Variants in ZNF618 observed in about 807,000 individuals in gnomAD.
The protein encoded by ZNF618 is neural precursor cell expressed, developmentally down-regulated 10.
Under a neutral mutation model 103.0 loss-of-function variants are expected in ZNF618, and 34 were observed. The observed-to-expected ratio is 0.33, with a 90% confidence interval of 0.25 to 0.44. The LOEUF (loss-of-function observed/expected upper bound fraction) is 0.44. Ranked by LOEUF, ZNF618 falls within the 20% of genes least tolerant of loss-of-function variation. The probability of loss-of-function intolerance (pLI) is 1.00; values close to 1 mark genes in which losing one functional copy is unlikely to be tolerated. For missense variants in ZNF618, 1,059 were observed against 1,295.4 expected (o/e 0.82, Z 2.80); for synonymous variants, 551 against 542.2 (o/e 1.02, Z -0.23).
At chr9:113,921,390 G>A (rs1009883792) in intron 1 of ZNF618, among the ~76,000 whole-genome samples, 1 of 152,248 alleles carries the variant, frequency 6.6e-6, no homozygotes, top group Non-Finnish European at 1.5e-5. Context: ...TCACTGAGTG[G>A]AAGGGTTTTC....
chr9:113,886,971 C>CT (rs57000343), intron 1 of ZNF618, among the ~76,000 whole-genome samples: 6,262 of 109,016 alleles, frequency 0.057, 431 homozygotes, highest in Non-Finnish European at 0.071. Flanking sequence ...TTACTTTCTA[C>CT]TTTTTTTTTT....
At chr9:113,943,309 G>T (rs1016814501) in intron 1 of ZNF618, among the ~76,000 whole-genome samples, 5 of 152,200 alleles carry the variant, frequency 3.3e-5, no homozygotes, top group Admixed American at 6.5e-5. Context: ...GCTTGCGGCT[G>T]GGAGAAGATT....
chr9:113,948,774 G>A (rs538814888), intron 1 of ZNF618, among the ~76,000 whole-genome samples: 13 of 152,210 alleles, frequency 8.5e-5, no homozygotes, highest in Non-Finnish European at 1.5e-4. Flanking sequence ...TGTTGTGGTG[G>A]TGGCTACAGA....
At chr9:113,987,096 C>G (rs1307180986) in intron 2 of ZNF618, among the ~76,000 whole-genome samples, 2 of 152,146 alleles carry the variant, frequency 1.3e-5, no homozygotes, top group Non-Finnish European at 2.9e-5. Flanking sequence ...AGTGGAGAGG[C>G]TAGCATGGCC....
chr9:114,008,976 G>A (rs1177021619), intron 9 of ZNF618, among the ~76,000 whole-genome samples: 4 of 152,168 alleles, frequency 2.6e-5, no homozygotes, highest in South Asian at 2.1e-4. Flanking sequence ...ATAACACGTC[G>A]TAGTCACCTG....
At chr9:113,898,036 A>G (rs1587970796) in intron 1 of ZNF618, among the ~76,000 whole-genome samples, 1 of 151,860 alleles carries the variant, frequency 6.6e-6, no homozygotes. Context: ...CAGATGATCC[A>G]CCCGCCTCAG....
chr9:113,906,967 A>C (rs1032294663), intron 1 of ZNF618, among the ~76,000 whole-genome samples: 2 of 152,134 alleles, frequency 1.3e-5, no homozygotes, highest in Admixed American at 6.5e-5. Context: ...GGCCCTCTCC[A>C]AGTGGTGGCA....
At chr9:113,958,234 G>T (rs1025359969) in intron 1 of ZNF618, among the ~76,000 whole-genome samples, 4 of 152,178 alleles carry the variant, frequency 2.6e-5, no homozygotes, top group African/African-American at 9.7e-5. Flanking sequence ...TTTGGACTCG[G>T]AGTATCTGGG....
chr9:113,957,762 T>C (rs1836444293), intron 1 of ZNF618, among the ~76,000 whole-genome samples: 1 of 152,090 alleles, frequency 6.6e-6, no homozygotes, highest in Admixed American at 6.5e-5. Context: ...TTGCAACCCT[T>C]TGTATTTATA....
chr9:114,011,954 G>A (rs753704580), intron 9 of ZNF618, among the ~76,000 whole-genome samples: 13 of 151,872 alleles, frequency 8.6e-5, no homozygotes, highest in South Asian at 6.2e-4. Context: ...TTGAAACAGA[G>A]TAAGTCTGGA....
At chr9:114,042,161 G>C (rs1026102008) in intron 13 of ZNF618, among the ~76,000 whole-genome samples, 5 of 152,086 alleles carry the variant, frequency 3.3e-5, no homozygotes, top group Non-Finnish European at 5.9e-5. Context: ...CTCTGCATTG[G>C]GAAAATGCAG....
At chr9:113,943,111 C>T (rs549349944) in intron 1 of ZNF618, among the ~76,000 whole-genome samples, 2 of 152,334 alleles carry the variant, frequency 1.3e-5, no homozygotes, top group Non-Finnish European at 2.9e-5. Flanking sequence ...CAACTCTTCA[C>T]TCCTCCTGGC....
At chr9:113,918,652 AT>A (rs1210181444) in intron 1 of ZNF618, among the ~76,000 whole-genome samples, 2 of 150,598 alleles carry the variant, frequency 1.3e-5, no homozygotes, top group African/African-American at 5.0e-5. Context: ...TACCATCATT[AT>A]TTTTTTTTCT....
In ZNF618 at chr9:113,985,422, G is replaced by T. The variant is rs149978161; in HGVS notation, c.78-2899G>T. ...AAAGCCACAGCTGTCCTCTTGTGAC[G>T]TGCTGGACCTGCCAGTTCTAGTTAT... On this transcript the variant is annotated intron_variant, in intron 2 of 14. Transcript: ENST00000374126. Among the ~76,000 whole-genome samples, 1,180 of 152,326 alleles carry T rather than the reference G, an allele frequency of 7.7e-3. 11 individuals are homozygous for T. Among genetic ancestry groups the T allele is most frequent in the African/African-American group, 0.026 (1,098 of 41,580 alleles).
intron 1 of ZNF618, among the ~76,000 whole-genome samples, chr9:113,947,571 C>G (rs1318680438): frequency 6.6e-6 from 1 of 152,146 alleles, no homozygotes; most frequent in Non-Finnish European, 1.5e-5. Flanking sequence ...CCATGTGCCT[C>G]TGATTCTTAA....
chr9:113,910,403 TG>T (rs1468458035), intron 1 of ZNF618, among the ~76,000 whole-genome samples: 2 of 152,158 alleles, frequency 1.3e-5, no homozygotes, highest in Non-Finnish European at 2.9e-5. Flanking sequence ...TCGAGCCAGC[TG>T]GGGTGGACCT....
At chr9:113,960,208 C>G (rs553771124) in intron 1 of ZNF618, among the ~76,000 whole-genome samples, 59 of 152,218 alleles carry the variant, frequency 3.9e-4, no homozygotes, top group Non-Finnish European at 7.9e-4. Flanking sequence ...TTTCTCTCCT[C>G]CACCACCTTC....
At chr9:113,879,359 C>T (rs1184734274) in intron 1 of ZNF618, among the ~76,000 whole-genome samples, 2 of 134,304 alleles carry the variant, frequency 1.5e-5, no homozygotes, top group African/African-American at 5.8e-5. Context: ...AGTTGAAAAT[C>T]ATTTCTGGTT....
At chr9:114,039,608 C>T (rs772869349) in intron 13 of ZNF618, among the ~76,000 whole-genome samples, 6 of 152,212 alleles carry the variant, frequency 3.9e-5, no homozygotes, top group Admixed American at 6.5e-5. Context: ...ACCTCAGCCC[C>T]GCAAAGTGCT....
Sources: allele counts gnomAD v4.1 joint callset (sites outside exome capture counted in the v4.1 genomes callset), GRCh38; gene constraint gnomAD v4.1.1; transcripts MANE v1.5; gene names NCBI Gene and HGNC (gene_info 2026-07-23, HGNC 2026-07-21).